Variants in SAMD3 observed in about 807,000 individuals in gnomAD.
SAMD3 encodes the protein sterile alpha motif domain-containing protein 3.
Under a neutral mutation model 58.5 loss-of-function variants are expected in SAMD3, and 63 were observed. The observed-to-expected ratio is 1.08, with a 90% CI of 0.88 to 1.33. SAMD3 has a LOEUF of 1.33. Among genes scored for constraint, SAMD3 ranks in the 40% most tolerant of loss-of-function variants. The probability of loss-of-function intolerance (pLI) is 0.00; values close to 1 mark genes in which losing one functional copy is unlikely to be tolerated. For synonymous variants in SAMD3, 220 were observed against 210.3 expected (o/e 1.05, Z -0.40); for missense variants, 604 against 608.4 (o/e 0.99, Z 0.08).
intron 1 of SAMD3, among the ~76,000 whole-genome samples, chr6:130,335,921 A>G: frequency 6.6e-6 from 1 of 151,966 alleles, no homozygotes; most frequent in Non-Finnish European, 1.5e-5. Flanking sequence ...AGAACAAAAA[A>G]CCAAACACCG....
intron 2 of SAMD3, among the ~76,000 whole-genome samples, chr6:130,307,325 G>C (rs1775941473): frequency 6.8e-6 from 1 of 146,678 alleles, no homozygotes; most frequent in Admixed American, 7.0e-5. Flanking sequence ...TTTTGAACAA[G>C]AGGTCCCACA....
chr6:130,278,734 C>T (rs1365323998), intron 2 of SAMD3, among the ~76,000 whole-genome samples: 2 of 152,130 alleles, frequency 1.3e-5, no homozygotes, highest in Admixed American at 6.6e-5. Context: ...ATTTCACTGG[C>T]TTTAACTATT....
intron 8 of SAMD3, among the ~76,000 whole-genome samples, chr6:130,167,426 C>A (rs1447921538): frequency 2.0e-5 from 3 of 152,156 alleles, no homozygotes. Context: ...AAGTTGGATT[C>A]ATTCAACTTT....
chr6:130,363,611 C>G lies in SAMD3; in HGVS notation c.-304+1509G>C, dbSNP rs74606234. ...AGAATATTATACACATCATTTCATT[C>G]AATTTTCACAACACTTTGAAATAGA... On this transcript the variant is annotated intron_variant, in intron 1 of 13. Transcript: ENST00000368134. Among the ~76,000 whole-genome samples, 119 of 152,270 alleles carry G rather than the reference C, an allele frequency of 7.8e-4. 2 individuals are homozygous for G. Among genetic ancestry groups the G allele is most frequent in the African/African-American group, 2.7e-3 (111 of 41,538 alleles).
At chr6:130,224,775 C>T (rs922521973), upstream of SAMD3, among the ~76,000 whole-genome samples, 14 of 151,986 alleles carry the variant, frequency 9.2e-5, no homozygotes, top group African/African-American at 3.1e-4. Flanking sequence ...CGTGCCACCA[C>T]GCCCAGCTAA....
At chr6:130,342,079 C>T (rs1269004783) in intron 1 of SAMD3, among the ~76,000 whole-genome samples, 1 of 152,096 alleles carries the variant, frequency 6.6e-6, no homozygotes, top group Non-Finnish European at 1.5e-5. Flanking sequence ...CACAGAAAGA[C>T]ATCAAGTTGT....
intron 2 of SAMD3, among the ~76,000 whole-genome samples, chr6:130,272,679 G>T (rs1774608031): frequency 6.6e-6 from 1 of 152,094 alleles, no homozygotes; most frequent in Non-Finnish European, 1.5e-5. Context: ...GCTTTAGTTG[G>T]TGTACAACAT....
chr6:130,279,090 T>A (rs1452046221), intron 2 of SAMD3, among the ~76,000 whole-genome samples: 1 of 152,212 alleles, frequency 6.6e-6, no homozygotes, highest in Admixed American at 6.5e-5. Flanking sequence ...AGTCTCAGTT[T>A]CCTAAATCAT....
chr6:130,148,244 C>T (rs1788818378), intron 9 of SAMD3, among the ~76,000 whole-genome samples: 1 of 152,190 alleles, frequency 6.6e-6, no homozygotes, highest in African/African-American at 2.4e-5. Context: ...TTTTCTTCCA[C>T]ATATATTTAC....
At chr6:130,344,938 C>T (rs760703786) in intron 1 of SAMD3, among the ~76,000 whole-genome samples, 1 of 151,702 alleles carries the variant, frequency 6.6e-6, no homozygotes, top group Non-Finnish European at 1.5e-5. Flanking sequence ...GCCCACCCCC[C>T]TCCATCTCCT....
chr6:130,160,385 A>G (rs1790182390), intron 8 of SAMD3: 1 of 152,240 alleles, frequency 6.6e-6, no homozygotes, highest in African/African-American at 2.4e-5. Context: ...CAAAGCCAAC[A>G]TATAGTTTTC....
At chr6:130,272,082 C>A in intron 2 of SAMD3, among the ~76,000 whole-genome samples, 1 of 152,104 alleles carries the variant, frequency 6.6e-6, no homozygotes, top group Non-Finnish European at 1.5e-5. Context: ...CTTAAAAGGT[C>A]TTATCTTTTC....
At chr6:130,344,855 A>G (rs950548277) in intron 1 of SAMD3, among the ~76,000 whole-genome samples, 5 of 126,592 alleles carry the variant, frequency 3.9e-5, no homozygotes, top group Non-Finnish European at 7.1e-5. Flanking sequence ...AAAAAAAAAG[A>G]GAAAGACTGC....
At chr6:130,164,066 CCTA>C (rs1790502828) in intron 8 of SAMD3, among the ~76,000 whole-genome samples, 1 of 146,354 alleles carries the variant, frequency 6.8e-6, no homozygotes, top group East Asian at 2.0e-4. Flanking sequence ...GCATCAGTAT[CCTA>C]CACATAAAGT....
intron 1 of SAMD3, among the ~76,000 whole-genome samples, chr6:130,363,561 T>C (rs958268204): frequency 2.0e-5 from 3 of 152,222 alleles, no homozygotes; most frequent in African/African-American, 7.2e-5. Context: ...ATCACATATG[T>C]ATTGAGGATC....
intron 8 of SAMD3, among the ~76,000 whole-genome samples, chr6:130,169,501 T>A (rs1404201367): frequency 2.0e-5 from 3 of 152,196 alleles, no homozygotes; most frequent in Non-Finnish European, 2.9e-5. Context: ...TCTGTAGACG[T>A]CAACAATGAC....
At chr6:130,145,183 A>G (rs4897368) in intron 11 of SAMD3, among the ~76,000 whole-genome samples, 157 bp downstream of exon 11, 36,744 of 152,120 alleles carry the variant, frequency 0.24, 4,870 homozygotes, top group East Asian at 0.5. Flanking sequence ...CGCTTGAACC[A>G]GGAGGTGGAG....
chr6:130,348,530 A>G (rs1210457984), intron 1 of SAMD3, among the ~76,000 whole-genome samples: 1 of 152,208 alleles, frequency 6.6e-6, no homozygotes, highest in Non-Finnish European at 1.5e-5. Flanking sequence ...AGAGCTAACT[A>G]TCCTAAATAT....
chr6:130,364,727 G>T (rs1778084015), intron 1 of SAMD3, among the ~76,000 whole-genome samples: 1 of 151,682 alleles, frequency 6.6e-6, no homozygotes, highest in Admixed American at 6.6e-5. Context: ...CATTTTGATT[G>T]TGACATCTCC....
Sources: gnomAD v4.1 joint callset for allele counts (sites outside exome capture counted in the v4.1 genomes callset) on GRCh38, gnomAD v4.1.1 for gene constraint, MANE v1.5 for transcripts, NCBI Gene and HGNC (gene_info 2026-07-23, HGNC 2026-07-21) for gene names.